TRIM44: variants seen among roughly 807,000 people sequenced by gnomAD.
TRIM44 encodes tripartite motif containing 44.
Under a neutral mutation model 37.4 loss-of-function variants are expected in TRIM44, and 13 were observed. The ratio of observed to expected loss-of-function variants is 0.35; its 90% confidence interval spans 0.23 to 0.55. The LOEUF (loss-of-function observed/expected upper bound fraction) is 0.55, where lower values mean the gene tolerates loss of function less well. Ranked by LOEUF, TRIM44 falls within the 20% of genes least tolerant of loss-of-function variation. The probability of loss-of-function intolerance (pLI) is 0.89; values close to 1 mark genes in which losing one functional copy is unlikely to be tolerated. For synonymous variants in TRIM44, 175 were observed against 157.2 expected (o/e 1.11, Z -0.85); for missense variants, 426 against 437.2 (o/e 0.97, Z 0.23).
At chr11:35,785,117 C>A (rs2133874082) in intron 4 of TRIM44, among the ~76,000 whole-genome samples, 1 of 152,288 alleles carries the variant, frequency 6.6e-6, no homozygotes, top group Non-Finnish European at 1.5e-5. Context: ...TCTATAGAAC[C>A]AAGTATACTG....
chr11:35,693,015 C>A (rs1489950047), intron 2 of TRIM44, among the ~76,000 whole-genome samples: 1 of 152,072 alleles, frequency 6.6e-6, no homozygotes, highest in Admixed American at 6.6e-5. Context: ...GGCAGCCCCC[C>A]AGAATCACAG....
intron 4 of TRIM44, among the ~76,000 whole-genome samples, chr11:35,777,181 G>T (rs186122390): frequency 6.6e-6 from 1 of 152,302 alleles, no homozygotes; most frequent in Non-Finnish European, 1.5e-5. Flanking sequence ...AGCTCTTCTT[G>T]TTGAATTGAT....
At chr11:35,791,344 G>A (rs919464790) in intron 4 of TRIM44, among the ~76,000 whole-genome samples, 2 of 152,076 alleles carry the variant, frequency 1.3e-5, no homozygotes, top group Admixed American at 6.6e-5. Context: ...TGCTGCCTCA[G>A]GGAGTGTCAC....
intron 4 of TRIM44, among the ~76,000 whole-genome samples, chr11:35,800,570 A>T (rs1050545875): frequency 6.6e-6 from 1 of 152,214 alleles, no homozygotes; most frequent in Non-Finnish European, 1.5e-5. Flanking sequence ...CTTTAGCTAG[A>T]CACAGAAAAG....
chr11:35,774,234 A>AT (rs1332375890), intron 4 of TRIM44, among the ~76,000 whole-genome samples: 1 of 152,096 alleles, frequency 6.6e-6, no homozygotes, highest in Non-Finnish European at 1.5e-5. Context: ...GATGATGAGC[A>AT]TTTTTTCACG....
intron 4 of TRIM44, among the ~76,000 whole-genome samples, chr11:35,740,069 A>G (rs898298539): frequency 1.4e-5 from 2 of 145,184 alleles, no homozygotes; most frequent in African/African-American, 5.1e-5. Flanking sequence ...ACTGCAGTCC[A>G]GCCTGGTGAC....
intron 2 of TRIM44, among the ~76,000 whole-genome samples, chr11:35,697,139 G>A (rs1269013645): frequency 1.3e-5 from 2 of 151,018 alleles, no homozygotes; most frequent in Non-Finnish European, 2.9e-5. Context: ...ATGTATACAT[G>A]TGCCATGTTG....
chr11:35,750,570 A>G lies in TRIM44; in HGVS notation c.1007+15125A>G, dbSNP rs145952781. Among the ~76,000 whole-genome samples the G allele has an allele frequency of 1.8e-3, 279 of 152,274 alleles. 2 individuals carry two copies. The highest frequency in any genetic ancestry group is 6.4e-3 in the African/African-American group (268 of 41,554). On this transcript the variant is annotated intron_variant, in intron 4 of 4. Transcript: ENST00000299413. The stretch of plus-strand genomic sequence containing the variant: ...AAATATGTTTAGTTTGTTTAACCTG[A>G]CATTCCCACACTTATTGACCGTAAG...
At chr11:35,700,700 T>G (rs182128403) in intron 2 of TRIM44, among the ~76,000 whole-genome samples, 4 of 152,208 alleles carry the variant, frequency 2.6e-5, no homozygotes, top group Admixed American at 2.6e-4. Flanking sequence ...CTTTCTTATA[T>G]AAAATCTCTT....
chr11:35,697,765 C>T (rs1851724618), intron 2 of TRIM44, among the ~76,000 whole-genome samples: 1 of 151,884 alleles, frequency 6.6e-6, no homozygotes, highest in African/African-American at 2.4e-5. Context: ...CATCCATGTC[C>T]CTACAAAGGA....
At chr11:35,747,682 A>C (rs549943478) in intron 4 of TRIM44, among the ~76,000 whole-genome samples, 22 of 152,278 alleles carry the variant, frequency 1.4e-4, no homozygotes, top group African/African-American at 5.1e-4. Context: ...GAAAGTGCCT[A>C]AGGTGGAATG....
At chr11:35,670,070 G>T (rs1485906233) in intron 1 of TRIM44, among the ~76,000 whole-genome samples, 6 of 152,036 alleles carry the variant, frequency 3.9e-5, no homozygotes, top group Non-Finnish European at 8.8e-5. Context: ...TGATCTACCC[G>T]CCTTGGCTTC....
intron 4 of TRIM44, among the ~76,000 whole-genome samples, chr11:35,740,829 A>G (rs1852388228): frequency 1.3e-5 from 2 of 152,192 alleles, no homozygotes; most frequent in South Asian, 4.1e-4. Flanking sequence ...CTTTTATCAC[A>G]TATGGAGTGG....
intron 2 of TRIM44, among the ~76,000 whole-genome samples, chr11:35,714,440 C>G (rs927925000): frequency 6.6e-6 from 1 of 152,180 alleles, no homozygotes; most frequent in African/African-American, 2.4e-5. Context: ...ACCCCTTTCT[C>G]TACTCTATCA....
intron 4 of TRIM44, among the ~76,000 whole-genome samples, chr11:35,772,018 A>T (rs1208430917): frequency 1.3e-5 from 2 of 152,132 alleles, no homozygotes; most frequent in Non-Finnish European, 2.9e-5. Context: ...TGCTGTGTGC[A>T]GCCTAGGAAC....
Position 35,744,166 on chromosome 11 carries a change from T to C in TRIM44, c.1007+8721T>C, listed in dbSNP as rs145342666. ...GACAGCTGTTTTGCCTTCTTAGGGC[T>C]TTTCTGCTCATTTCCCTATTAGAGT... On this transcript the variant is annotated intron_variant, in intron 4 of 4. Transcript: ENST00000299413. Among the ~76,000 whole-genome samples the C allele has an allele frequency of 1.8e-3, 279 of 152,344 alleles. 2 individuals carry two copies. The highest frequency in any genetic ancestry group is 6.4e-3 in the African/African-American group (268 of 41,584).
chr11:35,704,255 CTA>C, intron 2 of TRIM44, among the ~76,000 whole-genome samples: 1 of 152,246 alleles, frequency 6.6e-6, no homozygotes, highest in Non-Finnish European at 1.5e-5. Context: ...AAATATGGGA[CTA>C]TGTGAAAAGA....
At chr11:35,805,633 A>G (rs1853437008) in intron 4 of TRIM44, among the ~76,000 whole-genome samples, 1 of 152,150 alleles carries the variant, frequency 6.6e-6, no homozygotes, top group Non-Finnish European at 1.5e-5. Flanking sequence ...CCTTTTAAAA[A>G]CCAATTATTT....
chr11:35,709,289 A>G (rs1407706806), intron 2 of TRIM44, among the ~76,000 whole-genome samples: 1 of 152,226 alleles, frequency 6.6e-6, no homozygotes, highest in African/African-American at 2.4e-5. Flanking sequence ...TGCATAAGCC[A>G]GAAGGAACTC....
Sources: allele counts gnomAD v4.1 joint callset (sites outside exome capture counted in the v4.1 genomes callset), GRCh38; gene constraint gnomAD v4.1.1; transcripts MANE v1.5; gene names NCBI Gene and HGNC (gene_info 2026-07-23, HGNC 2026-07-21).